Variants in SGMS1 observed in about 807,000 individuals in gnomAD.
SGMS1 encodes the protein sphingomyelin synthase 1.
In SGMS1, 13 loss-of-function variants were observed where a neutral mutation model predicts 46.2. The ratio of observed to expected loss-of-function variants is 0.28; its 90% CI spans 0.18 to 0.45. SGMS1 has a LOEUF of 0.45. Among genes scored for constraint, SGMS1 ranks in the 20% least tolerant of loss-of-function variants. The pLI is 1.00. For synonymous variants in SGMS1, 203 were observed against 187.8 expected (o/e 1.08, Z -0.66); for missense variants, 324 against 519.9 (o/e 0.62, Z 3.66).
intron 1 of SGMS1, among the ~76,000 whole-genome samples, chr10:50,620,872 C>G (rs547176498): frequency 6.6e-6 from 1 of 152,300 alleles, no homozygotes; most frequent in African/African-American, 2.4e-5. Flanking sequence ...AACAGGAGCA[C>G]TTTTTAGTTA....
At chr10:50,480,152 T>C (rs992931287) in intron 3 of SGMS1, among the ~76,000 whole-genome samples, 11 of 151,876 alleles carry the variant, frequency 7.2e-5, no homozygotes, top group African/African-American at 2.7e-4. Flanking sequence ...ATGCAGTGAG[T>C]ACTACATGAG....
intron 2 of SGMS1, among the ~76,000 whole-genome samples, chr10:50,575,366 C>A (rs1269920457): frequency 6.6e-6 from 1 of 151,980 alleles, no homozygotes; most frequent in African/African-American, 2.4e-5. Context: ...CCAGCCTAGG[C>A]AGCCTAGCAA....
intron 3 of SGMS1, among the ~76,000 whole-genome samples, chr10:50,513,345 C>A (rs1434711443): frequency 1.3e-5 from 2 of 152,188 alleles, no homozygotes; most frequent in Non-Finnish European, 2.9e-5. Flanking sequence ...GGTCACCAGA[C>A]ACTGGTGCAG....
At chr10:50,523,613 C>T (rs1238740130) in intron 2 of SGMS1, among the ~76,000 whole-genome samples, 2 of 152,196 alleles carry the variant, frequency 1.3e-5, no homozygotes, top group African/African-American at 4.8e-5. Flanking sequence ...TTCTTAATTT[C>T]TCTTGTTTAT....
At chr10:50,513,703 G>T (rs1460720086) in intron 3 of SGMS1, among the ~76,000 whole-genome samples, 1 of 152,050 alleles carries the variant, frequency 6.6e-6, no homozygotes, top group Non-Finnish European at 1.5e-5. Flanking sequence ...CAGCATTCAG[G>T]TTTATATTAA....
intron 2 of SGMS1, among the ~76,000 whole-genome samples, chr10:50,577,704 A>G (rs1316912285): frequency 6.6e-6 from 1 of 152,208 alleles, no homozygotes; most frequent in African/African-American, 2.4e-5. Context: ...TAACAGGCCA[A>G]CGCTTTTAAG....
chr10:50,382,685 G>A (rs991501371), intron 6 of SGMS1, among the ~76,000 whole-genome samples: 11 of 151,182 alleles, frequency 7.3e-5, no homozygotes, highest in African/African-American at 2.4e-4. Flanking sequence ...GGGACCCAGC[G>A]AGCTGACAGA....
At chr10:50,585,268 T>A (rs1466977379) in intron 2 of SGMS1, among the ~76,000 whole-genome samples, 3 of 152,242 alleles carry the variant, frequency 2.0e-5, no homozygotes, top group East Asian at 1.9e-4. Context: ...ACTGACCATA[T>A]GCTTGGCTTG....
chr10:50,557,515 T>C (rs113835440), intron 2 of SGMS1, among the ~76,000 whole-genome samples: 1 of 152,080 alleles, frequency 6.6e-6, no homozygotes, highest in Admixed American at 6.6e-5. Context: ...ATAACTGTTT[T>C]GCTTTGGCAA....
chr10:50,624,825 A>G, upstream of SGMS1: 1 of 986,356 alleles, frequency 1.0e-6, no homozygotes, highest in Non-Finnish European at 1.2e-6. Context: ...CCCGCGCCGC[A>G]CCTCGGTGGC....
chr10:50,366,495 T>C (rs181761198), intron 6 of SGMS1, among the ~76,000 whole-genome samples: 6 of 152,326 alleles, frequency 3.9e-5, no homozygotes, highest in Admixed American at 3.3e-4. Context: ...TAAAGACACA[T>C]GCACACGTAT....
rs1175126413 is a variant in SGMS1 at position 50,604,617 on chromosome 10, C to T, written c.-683-14370G>A. ...TTATTCAAACAGTTTCAAGGTTATT[C>T]TTTGGAATGGAGTATTTGACTGATT... is the stretch of plus-strand genomic sequence containing the variant. On this transcript the variant is annotated intron_variant, in intron 1 of 10. Coordinates refer to ENST00000361781, the MANE Select transcript of SGMS1 (RefSeq NM_147156.4). Among the ~76,000 whole-genome samples, 3 of 152,094 alleles carry T rather than the reference C, an allele frequency of 2.0e-5. No homozygotes were observed. In the South Asian group the frequency reaches 6.2e-4, roughly 31 times the overall value.
intron 6 of SGMS1, among the ~76,000 whole-genome samples, chr10:50,404,692 C>T (rs1308620070): frequency 6.6e-6 from 1 of 152,050 alleles, no homozygotes; most frequent in Non-Finnish European, 1.5e-5. Context: ...TGTAGCAATC[C>T]CACTCACAGG....
intron 6 of SGMS1, among the ~76,000 whole-genome samples, chr10:50,374,663 A>G (rs1336070443): frequency 6.6e-6 from 1 of 151,998 alleles, no homozygotes; most frequent in Non-Finnish European, 1.5e-5. Context: ...GGTTCCTGCT[A>G]CCTTCCTGAC....
chr10:50,610,575 G>A (rs1838740688), intron 1 of SGMS1, among the ~76,000 whole-genome samples: 1 of 152,170 alleles, frequency 6.6e-6, no homozygotes, highest in Non-Finnish European at 1.5e-5. Context: ...CGGCCATGCT[G>A]AGGCCCCTAT....
chr10:50,506,213 T>G (rs1006870369), intron 3 of SGMS1, among the ~76,000 whole-genome samples: 2 of 152,198 alleles, frequency 1.3e-5, no homozygotes, highest in Admixed American at 6.5e-5. Flanking sequence ...CTCCCAGCAC[T>G]AGTCACAACT....
At chr10:50,416,629 C>T (rs980888264) in intron 6 of SGMS1, among the ~76,000 whole-genome samples, 2 of 152,238 alleles carry the variant, frequency 1.3e-5, no homozygotes, top group African/African-American at 2.4e-5. Context: ...AGTTTACATG[C>T]TATTTCTCAA....
chr10:50,530,049 G>A (rs185399330), intron 2 of SGMS1, among the ~76,000 whole-genome samples: 155 of 152,242 alleles, frequency 1.0e-3, no homozygotes, highest in Non-Finnish European at 1.9e-3. Flanking sequence ...AATAGCCACC[G>A]TCTTTCTCAA....
chr10:50,309,347 C>G (rs919659115), intron 9 of SGMS1, among the ~76,000 whole-genome samples: 15 of 152,142 alleles, frequency 9.9e-5, no homozygotes, highest in African/African-American at 3.4e-4. Flanking sequence ...CTTTTTCCCA[C>G]CCGATGAAGC....
Sources: gnomAD v4.1 joint callset for allele counts (sites outside exome capture counted in the v4.1 genomes callset) on GRCh38, gnomAD v4.1.1 for gene constraint, MANE v1.5 for transcripts, NCBI Gene and HGNC (gene_info 2026-07-23, HGNC 2026-07-21) for gene names.